GPRIN2: variants seen among roughly 807,000 people sequenced by gnomAD.
GPRIN2 encodes the protein G protein regulated inducer of neurite outgrowth 2.
GPRIN2 carries 1 observed loss-of-function variant against 0.3 expected under a neutral mutation model. The observed-to-expected ratio is 3.90, with a 90% CI of 1.39 to 18.51. The LOEUF is 18.51. Ranked by LOEUF, GPRIN2 falls within the 30% of genes most tolerant of loss-of-function variation. The pLI is 0.11. For missense variants in GPRIN2, 880 were observed against 604.2 expected (o/e 1.46, Z -4.79); for synonymous variants, 361 against 258.6 (o/e 1.40, Z -3.80).
At chr10:46,551,870 T>C (rs902247280) in intron 2 of GPRIN2, among the ~76,000 whole-genome samples, 1 of 152,310 alleles carries the variant, frequency 6.6e-6, no homozygotes, top group Non-Finnish European at 1.5e-5. Flanking sequence ...ATGGAACAGT[T>C]TGGCCAACTG....
At chr10:46,551,324 C>A (rs1842580761) in intron 2 of GPRIN2, 1 of 903,810 alleles carries the variant, frequency 1.1e-6, no homozygotes. Context: ...CCAGAGGACA[C>A]TGAGAATCAC....
rs1841866392 is a variant in GPRIN2, at chr10:46,542,913, C to G, written c.*6447G>C. ...AAGCCAGCAGATGGGTGCCACCCACCTGATGTACCTCTCTAGCAGCCTAGC... is the reference window on the plus strand; with the variant it reads ...AAGCCAGCAGATGGGTGCCACCCACGTGATGTACCTCTCTAGCAGCCTAGC... On this transcript the variant is annotated 3_prime_UTR_variant, in exon 3 of 3. Coordinates refer to ENST00000374314, the MANE Select transcript of GPRIN2 (RefSeq NM_001385282.1). Among the ~76,000 whole-genome samples, 1 of 152,310 alleles carries G rather than the reference C, an allele frequency of 6.6e-6. No individual in the cohort carries two copies. Among genetic ancestry groups the G allele is most frequent in the South Asian group, 2.1e-4 (1 of 4,838 alleles).
Position 46,549,732 on chromosome 10 carries a change from A to G in GPRIN2, c.1005T>C (p.Ala335=), listed in dbSNP as rs1555017934. The part of the protein sequence containing the change: ...AEASPLSAQD[A]GVQAAPVAAC... ...CCGCCACTGGGGCCGCCTGCACACC[A>G]GCATCCTGGGCTGACAGCGGGGATG... is the stretch of plus-strand genomic sequence containing the variant. Residue 335 remains alanine (A), a synonymous_variant, in exon 3 of 3, where the codon GCT becomes GCC. Transcript: ENST00000374314. 1.9e-6 allele frequency: 3 copies of G among 1,614,168 alleles called. No homozygotes were observed. The highest frequency in any genetic ancestry group is 1.7e-5 in the Admixed American group (1 of 60,028).
rs1211633635 is a variant in GPRIN2 at position 46,547,220 on chromosome 10, T to C, written c.*2140A>G. On this transcript the variant is annotated 3_prime_UTR_variant, in exon 3 of 3. Coordinates refer to ENST00000374314, the MANE Select transcript of GPRIN2 (RefSeq NM_001385282.1). ...GCACACATGTGTGCCTGTGTATGCG[T>C]GTGTGTGCACGTGTATGAACCCAGC... is the stretch of plus-strand genomic sequence containing the variant. 6.6e-6 allele frequency among the ~76,000 whole-genome samples: 1 copy of C among 152,304 alleles called. No individual in the cohort carries two copies. Among genetic ancestry groups the C allele is most frequent in the Non-Finnish European group, 1.5e-5 (1 of 68,056 alleles).
At position 46,550,628 on chromosome 10, in the gene GPRIN2, G is replaced by A. The variant is rs1832299966; in HGVS notation, c.109C>T (p.Pro37Ser). 1 of 1,578,220 alleles carries A rather than the reference G, an allele frequency of 6.3e-7. No individual in the cohort carries two copies. Among genetic ancestry groups the A allele is most frequent in the Admixed American group, 1.8e-5 (1 of 55,390 alleles). The change falls in exon 3 of 3, where the codon CCA becomes TCA. Residue 37 changes from proline to serine, a missense_variant. Pro to Ser is a moderately conservative substitution (Grantham distance 74). Transcript: ENST00000374314. ...SLLGEGREQR[P>S]ELRKTASSTV... ...CTGCTGGCAGTCTTGCGGAGCTCTG[G>A]CCTCTGTTCCCGGCCTTCACCCAGC...
In GPRIN2 at chr10:46,544,146, C is replaced by T. The variant is rs1833005280; in HGVS notation, c.*5214G>A. 1.4e-4 allele frequency among the ~76,000 whole-genome samples: 21 copies of T among 152,384 alleles called. No homozygotes were observed. The highest frequency in any genetic ancestry group is 5.8e-4 in the East Asian group (3 of 5,196). On this transcript the variant is annotated 3_prime_UTR_variant, in exon 3 of 3. Transcript: ENST00000374314. Reference sequence around the variant, plus strand: ...AAGGGTTCAATAGGGAAGGTACCAGCGGCCGGCTGCAGAGGGGCTCCATTC... The same window carrying T: ...AAGGGTTCAATAGGGAAGGTACCAGTGGCCGGCTGCAGAGGGGCTCCATTC...
chr10:46,547,990 C>A lies in GPRIN2; in HGVS notation c.*1370G>T, dbSNP rs1171229036. ...ATTTCCACCTCAATGAGTACCAGGTCCTTGAGGATGGGGAAAAGTAAGCCA... is the reference window on the plus strand; with the variant it reads ...ATTTCCACCTCAATGAGTACCAGGTACTTGAGGATGGGGAAAAGTAAGCCA... On this transcript the variant is annotated 3_prime_UTR_variant, in exon 3 of 3. Coordinates refer to ENST00000374314, the MANE Select transcript of GPRIN2 (RefSeq NM_001385282.1). Among the ~76,000 whole-genome samples, 2 of 152,306 alleles carry A rather than the reference C, an allele frequency of 1.3e-5. No individual in the cohort carries two copies. Among genetic ancestry groups the A allele is most frequent in the African/African-American group, 4.8e-5 (2 of 41,484 alleles).
rs927272677 is a variant in GPRIN2, at chr10:46,542,637, A to G, written c.*6723T>C. ...TGAGTCAATTAAACCTCTTTCCTTTATAAATTACCCAGTCTCAGGCAGTTC... is the reference window on the plus strand; with the variant it reads ...TGAGTCAATTAAACCTCTTTCCTTTGTAAATTACCCAGTCTCAGGCAGTTC... On this transcript the variant is annotated 3_prime_UTR_variant, in exon 3 of 3. Coordinates refer to ENST00000374314, the MANE Select transcript of GPRIN2 (RefSeq NM_001385282.1). Among the ~76,000 whole-genome samples, 7 of 152,310 alleles carry G rather than the reference A, an allele frequency of 4.6e-5. No homozygotes were observed. Among genetic ancestry groups the G allele is most frequent in the African/African-American group, 1.7e-4 (7 of 41,486 alleles).
chr10:46,542,317 T>A lies in GPRIN2; in HGVS notation c.*7043A>T, dbSNP rs914529448. Among the ~76,000 whole-genome samples the A allele has an allele frequency of 1.3e-5, 2 of 152,306 alleles. No homozygotes were observed. Among genetic ancestry groups the A allele is most frequent in the African/African-American group, 4.8e-5 (2 of 41,484 alleles). On this transcript the variant is annotated 3_prime_UTR_variant, in exon 3 of 3. Coordinates refer to ENST00000374314, the MANE Select transcript of GPRIN2 (RefSeq NM_001385282.1). ...GGGAGGGTGATATGCTTTGGCTGTGTCCCCACCCAAAATCTCATCTTGAAT... is the reference window on the plus strand; with the variant it reads ...GGGAGGGTGATATGCTTTGGCTGTGACCCCACCCAAAATCTCATCTTGAAT...
Position 46,550,352 on chromosome 10 carries a change from G to A in GPRIN2, c.385C>T (p.Gln129Ter). ...RSHSDLVRST[Q>*]MRGHSGARKA... ...CGAGCACCACTGTGTCCCCGCATCT[G>A]GGTGCTACGGACCAGGTCTGAATGG... The change falls in exon 3 of 3, where the codon CAG becomes TAG. Residue 129 changes from glutamine (Q) to a stop codon, truncating the protein, a stop_gained. Transcript: ENST00000374314. LOFTEE classifies it low-confidence loss of function (END_TRUNC). 6.2e-7 allele frequency: 1 copy of A among 1,613,006 alleles called. No individual in the cohort carries two copies.
rs1832390862 is a variant in GPRIN2, at chr10:46,550,377, G to C, written c.360C>G (p.Ser120Arg). The C allele has an allele frequency of 2.5e-6, 4 of 1,612,312 alleles. No individual in the cohort carries two copies. The East Asian group carries it at 8.9e-5, about 36-fold the overall frequency. Residue 120 changes from serine to arginine, a missense_variant, in exon 3 of 3, where the codon AGC becomes AGG. Coordinates refer to ENST00000374314, the MANE Select transcript of GPRIN2 (RefSeq NM_001385282.1). Reference sequence around the variant, plus strand: ...GGGTGCTACGGACCAGGTCTGAATGGCTCCTCTGCATAGCAGCAGCACTAG... The same window carrying C: ...GGGTGCTACGGACCAGGTCTGAATGCCTCCTCTGCATAGCAGCAGCACTAG... The part of the protein sequence containing the change: ...RAPSAAAMQR[S>R]HSDLVRSTQM...
rs1842000241 is a variant in GPRIN2, at chr10:46,544,623, TGA to T, written c.*4735_*4736del. The stretch of plus-strand genomic sequence containing the variant: ...ACAGGCATGAGCCACTGTACCAGGC[TGA>T]GTCCACACTTCTAAGCTTGCTGTTG... On this transcript the variant is annotated 3_prime_UTR_variant, in exon 3 of 3. Coordinates refer to ENST00000374314, the MANE Select transcript of GPRIN2 (RefSeq NM_001385282.1). Among the ~76,000 whole-genome samples the T allele has an allele frequency of 6.6e-6, 1 of 152,284 alleles. No individual in the cohort carries two copies. The highest frequency in any genetic ancestry group is 1.5e-5 in the Non-Finnish European group (1 of 68,058).
At position 46,549,339 on chromosome 10, in the gene GPRIN2, A is replaced by G. The variant is rs1473381506; in HGVS notation, c.*21T>C. 9 of 1,461,770 alleles carry G rather than the reference A, an allele frequency of 6.2e-6. No individual in the cohort carries two copies. In the East Asian group the frequency reaches 2.2e-4, roughly 36 times the overall value. 90.5% of individuals were successfully genotyped at this position (1,461,770 alleles called of 1,614,324 possible). A position where few individuals can be genotyped will look rare whatever the true frequency, so the allele number is the denominator to read the frequency against. ...AGGACTAAGTCAGTGGGCCCAGGCC[A>G]GCTCCAAGGGCCACAGCTCCTCACT... is the stretch of plus-strand genomic sequence containing the variant. On this transcript the variant is annotated 3_prime_UTR_variant, in exon 3 of 3. Coordinates refer to ENST00000374314, the MANE Select transcript of GPRIN2 (RefSeq NM_001385282.1).
chr10:46,551,415 C>T lies in GPRIN2; in HGVS notation c.-6-673G>A, dbSNP rs1832192066. 2.2e-5 allele frequency: 22 copies of T among 985,496 alleles called. No homozygotes were observed. In the East Asian group the frequency reaches 9.1e-4, roughly 41 times the overall value. 61.0% of individuals were successfully genotyped at this position (985,496 alleles called of 1,614,324 possible). A position where few individuals can be genotyped will look rare whatever the true frequency, so the allele number is the denominator to read the frequency against. ...TGTCTCTGGGGTTCCCTGACTCCTA[C>T]CTCTAGCTCCAGGGGCAAGGAGAGG... On this transcript the variant is annotated intron_variant, in intron 2 of 2. Transcript: ENST00000374314.
At position 46,549,518 on chromosome 10, in the gene GPRIN2, T is replaced by A. The variant is rs1832692148; in HGVS notation, c.1219A>T (p.Ile407Phe). The change falls in exon 3 of 3, where the codon ATC (isoleucine) becomes TTC (phenylalanine). Residue 407 changes from isoleucine to phenylalanine, a missense_variant. Coordinates refer to ENST00000374314, the MANE Select transcript of GPRIN2 (RefSeq NM_001385282.1). The part of the protein sequence containing the change: ...AVDLEVLGVA[I>F]QKHLEMQFEQ... ...AACTGCATCTCCAGGTGCTTCTGGA[T>A]GGCCACACCGAGCACCTCCAGGTCC... is the stretch of plus-strand genomic sequence containing the variant. The A allele has an allele frequency of 6.2e-7, 1 of 1,612,996 alleles. No homozygotes were observed. The highest frequency in any genetic ancestry group is 1.1e-5 in the South Asian group (1 of 90,964).
chr10:46,550,467 C>A lies in GPRIN2; in HGVS notation c.270G>T (p.Trp90Cys). ...PKARPSAGGH[W>C]WSSTVGNVST... ...ACACATTGCCCACAGTGCTGCTCCACCAGTGGCCTCCAGCACTGGGTCGCG... is the reference window on the plus strand; with the variant it reads ...ACACATTGCCCACAGTGCTGCTCCAACAGTGGCCTCCAGCACTGGGTCGCG... Residue 90 changes from tryptophan to cysteine, a missense_variant, in exon 3 of 3, where the codon TGG (tryptophan) becomes TGT (cysteine). Transcript: ENST00000374314. 6.2e-7 allele frequency: 1 copy of A among 1,611,064 alleles called. No individual in the cohort carries two copies. Among genetic ancestry groups the A allele is most frequent in the East Asian group, 2.2e-5 (1 of 44,822 alleles).
Position 46,546,701 on chromosome 10 carries a change from G to A in GPRIN2, c.*2659C>T, listed in dbSNP as rs1588954692. ...CTGTTCCAGGAGAGGGCACAGCAAAGGGGGTTGGGAGGGGTCTCCAGTTCC... is the reference window on the plus strand; with the variant it reads ...CTGTTCCAGGAGAGGGCACAGCAAAAGGGGTTGGGAGGGGTCTCCAGTTCC... On this transcript the variant is annotated 3_prime_UTR_variant, in exon 3 of 3. Coordinates refer to ENST00000374314, the MANE Select transcript of GPRIN2 (RefSeq NM_001385282.1). Among the ~76,000 whole-genome samples, 1 of 152,312 alleles carries A rather than the reference G, an allele frequency of 6.6e-6. No homozygotes were observed. The highest frequency in any genetic ancestry group is 1.5e-5 in the Non-Finnish European group (1 of 68,058).
Position 46,544,854 on chromosome 10 carries a change from C to T in GPRIN2, c.*4506G>A, listed in dbSNP as rs1842018733. ...CAGATCAGACTTAAACTAATTTGCC[C>T]ATGATGACCGTGTGGATTTGGAGGG... On this transcript the variant is annotated 3_prime_UTR_variant, in exon 3 of 3. Coordinates refer to ENST00000374314, the MANE Select transcript of GPRIN2 (RefSeq NM_001385282.1). Among the ~76,000 whole-genome samples the T allele has an allele frequency of 6.6e-6, 1 of 152,308 alleles. No homozygotes were observed. Among genetic ancestry groups the T allele is most frequent in the Non-Finnish European group, 1.5e-5 (1 of 68,058 alleles).
At position 46,546,000 on chromosome 10, in the gene GPRIN2, G is replaced by A. The variant is rs1482858072; in HGVS notation, c.*3360C>T. On this transcript the variant is annotated 3_prime_UTR_variant, in exon 3 of 3. Coordinates refer to ENST00000374314, the MANE Select transcript of GPRIN2 (RefSeq NM_001385282.1). ...ACCCCAGCCCAAAGTGTTGGGACCT[G>A]CGTGTAGAAGACCCCTTCAGCCCTT... Among the ~76,000 whole-genome samples, 2 of 152,292 alleles carry A rather than the reference G, an allele frequency of 1.3e-5. No homozygotes were observed. Among genetic ancestry groups the A allele is most frequent in the Admixed American group, 6.5e-5 (1 of 15,294 alleles).
Sources: allele counts gnomAD v4.1 joint callset (sites outside exome capture counted in the v4.1 genomes callset), GRCh38; gene constraint gnomAD v4.1.1; transcripts MANE v1.5; gene names NCBI Gene and HGNC (gene_info 2026-07-23, HGNC 2026-07-21).